The following KCTD8 variants were observed in gnomAD, a reference collection of about 807,000 sequenced individuals.
KCTD8 encodes the protein potassium channel tetramerization domain containing 8, also known as BTB/POZ domain-containing protein KCTD8.
A neutral mutation model predicts 31.5 loss-of-function variants in KCTD8; 27 were observed. The ratio of observed to expected loss-of-function variants is 0.86; its 90% CI spans 0.63 to 1.18. The LOEUF is 1.18. Ranked by LOEUF, KCTD8 falls within the 50% of genes most tolerant of loss-of-function variation. The pLI is 0.00. For synonymous variants in KCTD8, 290 were observed against 280.0 expected (o/e 1.04, Z -0.36); for missense variants, 658 against 647.7 (o/e 1.02, Z -0.17).
intron 1 of KCTD8, among the ~76,000 whole-genome samples, chr4:44,229,352 G>A (rs1715054083): frequency 6.6e-6 from 1 of 152,152 alleles, no homozygotes. Context: ...AAATGCAGAT[G>A]CCAGGGAGAA....
intron 1 of KCTD8, among the ~76,000 whole-genome samples, chr4:44,351,114 C>T (rs139183640): frequency 1.8e-3 from 277 of 152,268 alleles, no homozygotes; most frequent in Middle Eastern, 3.4e-3. Context: ...TCTGTCTTCA[C>T]ATTCTTATAA....
At chr4:44,266,902 G>T in intron 1 of KCTD8, among the ~76,000 whole-genome samples, 1 of 151,386 alleles carries the variant, frequency 6.6e-6, no homozygotes, top group African/African-American at 2.4e-5. Context: ...AGCAAGTCCT[G>T]AGTGACCTAC....
At chr4:44,191,772 TGTGCACAGCTGAAC>T (rs1713772404) in intron 1 of KCTD8, among the ~76,000 whole-genome samples, 1 of 152,192 alleles carries the variant, frequency 6.6e-6, no homozygotes, top group South Asian at 2.1e-4. Context: ...CAAGACAATA[TGTGCACAGCTGAAC>T]GTAGACCCTC....
At chr4:44,228,736 T>A (rs1715037252) in intron 1 of KCTD8, among the ~76,000 whole-genome samples, 1 of 152,202 alleles carries the variant, frequency 6.6e-6, no homozygotes. Flanking sequence ...TTCTGTTTCC[T>A]TCCTTATAAC....
intron 1 of KCTD8, among the ~76,000 whole-genome samples, chr4:44,340,798 T>C (rs1045407411): frequency 1.3e-5 from 2 of 152,056 alleles, no homozygotes; most frequent in East Asian, 1.9e-4. Flanking sequence ...AATTAATCTA[T>C]GATGATAACA....
At chr4:44,244,493 G>A (rs544281883) in intron 1 of KCTD8, among the ~76,000 whole-genome samples, 23 of 152,158 alleles carry the variant, frequency 1.5e-4, no homozygotes, top group South Asian at 8.3e-4. Context: ...ATTCTCTATC[G>A]AAGCAGGGCA....
intron 1 of KCTD8, among the ~76,000 whole-genome samples, chr4:44,270,571 A>G (rs1303176114): frequency 6.6e-6 from 1 of 151,990 alleles, no homozygotes; most frequent in Non-Finnish European, 1.5e-5. Context: ...AGGTGACCTT[A>G]GGCCTTTTCT....
intron 1 of KCTD8, among the ~76,000 whole-genome samples, chr4:44,355,937 T>C (rs1577633292): frequency 2.2e-5 from 1 of 45,824 alleles, no homozygotes; most frequent in Admixed American, 3.0e-4. Flanking sequence ...ATACATTTTA[T>C]AGCTAAATTG....
intron 1 of KCTD8, among the ~76,000 whole-genome samples, chr4:44,188,294 G>A (rs559851716): frequency 6.6e-6 from 1 of 152,276 alleles, no homozygotes; most frequent in East Asian, 1.9e-4. Context: ...AAGGAAAGAT[G>A]AAGGCATATA....
At chr4:44,365,603 T>C (rs1719612037) in intron 1 of KCTD8, among the ~76,000 whole-genome samples, 1 of 152,104 alleles carries the variant, frequency 6.6e-6, no homozygotes, top group South Asian at 2.1e-4. Context: ...CAAAAAATAG[T>C]AATCTTAACA....
In KCTD8 at chr4:44,174,245, T is replaced by A. The variant is rs967653069; in HGVS notation, c.*545A>T. On this transcript the variant is annotated 3_prime_UTR_variant, in exon 2 of 2. Transcript: ENST00000360029. ...CATTTTTTTTTGCTTTTTTTTGTAA[T>A]TTTTTTCTTTCCAAGCAACAAACAG... 1 of 152,558 alleles carries A rather than the reference T, an allele frequency of 6.6e-6. No individual in the cohort carries two copies. Among genetic ancestry groups the A allele is most frequent in the African/African-American group, 2.4e-5 (1 of 41,416 alleles). The allele number at this position is 152,558 out of a possible 1,614,324, so 9.5% of individuals were successfully genotyped here.
chr4:44,255,586 A>G (rs1715966908), intron 1 of KCTD8, among the ~76,000 whole-genome samples: 1 of 151,826 alleles, frequency 6.6e-6, no homozygotes, highest in Non-Finnish European at 1.5e-5. Flanking sequence ...CCATGTCCCT[A>G]TGTCAGTAAT....
chr4:44,330,051 A>G (rs1718556404), intron 1 of KCTD8, among the ~76,000 whole-genome samples: 1 of 151,828 alleles, frequency 6.6e-6, no homozygotes, highest in South Asian at 2.1e-4. Flanking sequence ...AAGCCCCATC[A>G]ATTCAGAAAA....
intron 1 of KCTD8, among the ~76,000 whole-genome samples, chr4:44,321,961 A>G: frequency 6.6e-6 from 1 of 152,004 alleles, no homozygotes; most frequent in Non-Finnish European, 1.5e-5. Flanking sequence ...ATAATATTTC[A>G]TTGTGCATAT....
intron 1 of KCTD8, among the ~76,000 whole-genome samples, chr4:44,193,609 T>C (rs977201479): frequency 2.0e-5 from 3 of 151,958 alleles, no homozygotes; most frequent in Admixed American, 2.0e-4. Context: ...GTTTGCCATA[T>C]AACATTATTT....
intron 1 of KCTD8, among the ~76,000 whole-genome samples, chr4:44,403,866 T>A (rs1422299091): frequency 6.6e-6 from 1 of 152,048 alleles, no homozygotes; most frequent in Non-Finnish European, 1.5e-5. Flanking sequence ...TGTTAGATGA[T>A]TAATATTTTT....
At chr4:44,392,167 G>A (rs755718995) in intron 1 of KCTD8, among the ~76,000 whole-genome samples, 3 of 151,756 alleles carry the variant, frequency 2.0e-5, no homozygotes, top group Non-Finnish European at 4.4e-5. Context: ...ATAAAACTAG[G>A]TTTATAGGTT....
intron 1 of KCTD8, among the ~76,000 whole-genome samples, chr4:44,423,086 C>T (rs1176868392): frequency 6.6e-6 from 1 of 152,038 alleles, no homozygotes; most frequent in African/African-American, 2.4e-5. Context: ...AATCTGGGAA[C>T]ATTTTTCATT....
At chr4:44,361,841 A>C in intron 1 of KCTD8, among the ~76,000 whole-genome samples, 1 of 152,272 alleles carries the variant, frequency 6.6e-6, no homozygotes, top group South Asian at 2.1e-4. Flanking sequence ...AGTGCCATAA[A>C]CATGCATAAT....
Sources: allele counts gnomAD v4.1 joint callset (sites outside exome capture counted in the v4.1 genomes callset), GRCh38; gene constraint gnomAD v4.1.1; transcripts MANE v1.5; gene names NCBI Gene and HGNC (gene_info 2026-07-23, HGNC 2026-07-21).